LPA: variants seen among roughly 807,000 people sequenced by gnomAD.
The protein encoded by LPA is lipoprotein(a), also known as apolipoprotein(a).
LPA carries 199 observed loss-of-function variants against 197.9 expected under a neutral mutation model. The observed-to-expected ratio is 1.01, with a 90% CI of 0.90 to 1.13. The LOEUF is 1.13. LPA is among the 50% of genes most tolerant of loss of function. The probability of loss-of-function intolerance (pLI) is 0.00; values close to 1 mark genes in which losing one functional copy is unlikely to be tolerated. For synonymous variants in LPA, 715 were observed against 639.5 expected, an observed-to-expected ratio of 1.12 and a Z score of -1.78; for missense variants, 1,853 against 1,785.8, an observed-to-expected ratio of 1.04 and a Z score of -0.68.
Position 160,589,696 on chromosome 6 carries a change from G to C in LPA, c.3804C>G (p.Ser1268Arg). 1.9e-6 allele frequency: 3 copies of C among 1,613,842 alleles called. No homozygotes were observed. The highest frequency in any genetic ancestry group is 2.5e-6 in the Non-Finnish European group (3 of 1,179,790). ...AVSEQAPTEQ[S>R]PTVQDCYHGD... is the part of the protein sequence containing the mutation. ...CATGGTAGCAGTCCTGGACTGTGGG[G>C]CTTTGCTCCGTTGGTGCTGAAATTC... Residue 1268 changes from serine (S) to arginine (R), a missense_variant, in exon 24 of 39, where the codon AGC (serine) becomes AGG (arginine). This residue lies in a region of LPA where 1,737 missense variants were observed against 1,504.4 expected (regional missense o/e 1.15). Coordinates refer to ENST00000316300, the MANE Select transcript of LPA (RefSeq NM_005577.4).
chr6:160,538,790 G>A (rs1409699270), intron 36 of LPA, among the ~76,000 whole-genome samples: 1 of 152,150 alleles, frequency 6.6e-6, no homozygotes, highest in Admixed American at 6.5e-5. Flanking sequence ...AGACTCTAGG[G>A]GTGTGGGGAT....
chr6:160,576,233 C>T (rs2115029066), intron 28 of LPA, among the ~76,000 whole-genome samples: 1 of 150,426 alleles, frequency 6.6e-6, no homozygotes, highest in Middle Eastern at 3.4e-3. Context: ...TCTCATCCGC[C>T]TTCCTGCTTT....
At chr6:160,576,367 C>CATATATATATATATATATATATAT (rs1158223888) in intron 28 of LPA, among the ~76,000 whole-genome samples, 6 of 78,016 alleles carry the variant, frequency 7.7e-5, no homozygotes, top group Non-Finnish European at 1.5e-4. Flanking sequence ...TATATATATA[C>CATATATATATATATATATATATAT]ATATATATAT....
At chr6:160,662,463 C>G (rs943810479) in intron 1 of LPA, among the ~76,000 whole-genome samples, 1 of 152,176 alleles carries the variant, frequency 6.6e-6, no homozygotes, top group African/African-American at 2.4e-5. Context: ...AAAGATAACA[C>G]GTCCACAGAA....
rs755587107 is a variant in LPA, at chr6:160,606,516, T to C, written c.2746A>G (p.Ile916Val). ...AEGTAVAPPT[I>V]TPIPSLEAPS... ...GCCTCTAGGCTTGGAATCGGGGTAA[T>C]AGTTGGAGGCGCGACGGCAGTCCCT... Residue 916 changes from isoleucine (I) to valine (V), a missense_variant, in exon 17 of 39, where the codon ATT becomes GTT. Physicochemically the swap from Ile to Val is conservative, Grantham distance 29. This residue lies in a region of LPA where 1,737 missense variants were observed against 1,504.4 expected (regional missense o/e 1.15). Coordinates refer to ENST00000316300, the MANE Select transcript of LPA (RefSeq NM_005577.4). 9.5e-5 allele frequency: 154 copies of C among 1,613,412 alleles called. No homozygotes were observed. The highest frequency in any genetic ancestry group is 1.1e-4 in the Non-Finnish European group (133 of 1,179,914).
chr6:160,647,078 T>G (rs999945614), intron 2 of LPA, among the ~76,000 whole-genome samples: 9 of 152,226 alleles, frequency 5.9e-5, no homozygotes, highest in African/African-American at 2.2e-4. Flanking sequence ...CCAGGCAGAA[T>G]GCAGTATCTC....
At chr6:160,611,484 C>T (rs1260895124) in intron 16 of LPA, 78 bp downstream of exon 16, 14 of 1,584,694 alleles carry the variant, frequency 8.8e-6, no homozygotes, top group Middle Eastern at 2.2e-4. Flanking sequence ...GTTCGGAGAA[C>T]TCAGCTTGAA....
intron 16 of LPA, among the ~76,000 whole-genome samples, chr6:160,610,878 T>G (rs1384789171): frequency 1.3e-5 from 2 of 152,178 alleles, no homozygotes; most frequent in South Asian, 2.1e-4. Context: ...TTGTCCCACA[T>G]GTAGAAACCA....
intron 28 of LPA, among the ~76,000 whole-genome samples, chr6:160,570,723 G>C (rs1211987446): frequency 6.6e-6 from 1 of 152,116 alleles, no homozygotes; most frequent in Non-Finnish European, 1.5e-5. Flanking sequence ...AGTCTGATGG[G>C]GTTCCCTTTG....
intron 2 of LPA, among the ~76,000 whole-genome samples, chr6:160,649,646 T>C (rs1382999070): frequency 6.6e-6 from 1 of 152,226 alleles, no homozygotes; most frequent in Non-Finnish European, 1.5e-5. Context: ...CCCTTGGTCC[T>C]CTACCATCTA....
At chr6:160,598,061 C>T (rs1779166507) in intron 20 of LPA, among the ~76,000 whole-genome samples, 1 of 152,176 alleles carries the variant, frequency 6.6e-6, no homozygotes, top group Non-Finnish European at 1.5e-5. Context: ...TCTGACTTTT[C>T]TGAGGTCTCT....
chr6:160,646,895 C>A lies in LPA; in HGVS notation c.210-500G>T, dbSNP rs1339180170. On this transcript the variant is annotated intron_variant, in intron 2 of 38. Transcript: ENST00000316300. The stretch of plus-strand genomic sequence containing the variant: ...GAAAACATGGCATCAAGGAGGATAA[C>A]CTTTCCAGGTCAACTCTCACACTCC... 3.3e-5 allele frequency among the ~76,000 whole-genome samples: 5 copies of A among 151,642 alleles called. No individual in the cohort carries two copies. In the East Asian group the frequency reaches 7.7e-4, roughly 23 times the overall value.
intron 7 of LPA, 134 bp downstream of exon 7, chr6:160,634,989 T>C: frequency 1.3e-6 from 2 of 1,504,448 alleles, no homozygotes; most frequent in South Asian, 2.3e-5. Context: ...ACACGGAGGC[T>C]TCCCCCAACA....
At chr6:160,595,029 A>T (rs1779103497) in intron 21 of LPA, among the ~76,000 whole-genome samples, 1 of 152,214 alleles carries the variant, frequency 6.6e-6, no homozygotes, top group African/African-American at 2.4e-5. Context: ...TGAGCTTGGT[A>T]AATCTTCACA....
chr6:160,586,820 T>C (rs1778921151), intron 24 of LPA, among the ~76,000 whole-genome samples, 190 bp from the exon 25 acceptor site: 1 of 152,228 alleles, frequency 6.6e-6, no homozygotes, highest in Admixed American at 6.5e-5. Flanking sequence ...AGCTTATGAT[T>C]CTTATTGTAA....
intron 26 of LPA, among the ~76,000 whole-genome samples, chr6:160,584,239 C>CCTCCTT (rs1562331291): frequency 2.8e-4 from 23 of 82,616 alleles, no homozygotes; most frequent in Admixed American, 1.8e-4. Context: ...TCTTCTTCTT[C>CCTCCTT]CTCCTCCTCC....
At chr6:160,583,725 T>G in intron 26 of LPA, among the ~76,000 whole-genome samples, 1 of 152,120 alleles carries the variant, frequency 6.6e-6, no homozygotes, top group East Asian at 1.9e-4. Context: ...AAATACTTTC[T>G]CATTATTACC....
chr6:160,595,699 C>T (rs369336724), intron 20 of LPA, among the ~76,000 whole-genome samples, 164 bp from the exon 21 acceptor site: 15 of 152,188 alleles, frequency 9.9e-5, no homozygotes, highest in African/African-American at 2.7e-4. Flanking sequence ...TAAACAACTG[C>T]GAACATCTCA....
intron 20 of LPA, among the ~76,000 whole-genome samples, chr6:160,597,549 TC>T (rs1279891618): frequency 6.6e-6 from 1 of 152,252 alleles, no homozygotes; most frequent in African/African-American, 2.4e-5. Flanking sequence ...GTTAATTTTT[TC>T]CCTGGAAACA....
Sources: gnomAD v4.1 joint callset for allele counts (sites outside exome capture counted in the v4.1 genomes callset) on GRCh38, gnomAD v4.1.1 for gene constraint, gnomAD v4.1.1 regional missense constraint, MANE v1.5 for transcripts, NCBI Gene and HGNC (gene_info 2026-07-23, HGNC 2026-07-21) for gene names.